The following MAML3 variants were observed in gnomAD, a reference collection of about 807,000 sequenced individuals.
MAML3 encodes the protein mastermind like transcriptional coactivator 3.
MAML3 carries 27 observed loss-of-function variants against 101.9 expected under a neutral mutation model. The ratio of observed to expected loss-of-function variants is 0.27; its 90% CI spans 0.20 to 0.37. MAML3 has a LOEUF of 0.37. Among genes scored for constraint, MAML3 ranks in the 10% least tolerant of loss-of-function variants. The pLI is 1.00. For missense variants in MAML3, 1,316 were observed against 1,444.9 expected, an observed-to-expected ratio of 0.91 and a Z score of 1.45; for synonymous variants, 501 against 555.9, an observed-to-expected ratio of 0.90 and a Z score of 1.39.
chr4:140,000,063 T>C (rs1365296827), intron 1 of MAML3, among the ~76,000 whole-genome samples: 1 of 152,236 alleles, frequency 6.6e-6, no homozygotes, highest in Non-Finnish European at 1.5e-5. Context: ...CAATTATAAC[T>C]AATTTTACTT....
At chr4:140,092,088 G>GTA (rs371237469) in intron 1 of MAML3, among the ~76,000 whole-genome samples, 10,904 of 75,992 alleles carry the variant, frequency 0.14, 615 homozygotes, top group Middle Eastern at 0.32. Context: ...ATATATATAC[G>GTA]TATATATATA....
chr4:139,922,988 C>G (rs1009787100), intron 1 of MAML3, among the ~76,000 whole-genome samples: 2 of 152,116 alleles, frequency 1.3e-5, no homozygotes, highest in Non-Finnish European at 2.9e-5. Flanking sequence ...CTCACGGGAT[C>G]CCCTGCACCC....
chr4:139,908,945 T>C (rs1394138495), intron 1 of MAML3, among the ~76,000 whole-genome samples: 1 of 152,232 alleles, frequency 6.6e-6, no homozygotes, highest in Non-Finnish European at 1.5e-5. Context: ...AATTATCTCA[T>C]TACTATGAAG....
chr4:140,115,278 CTTCT>C (rs1380937398), intron 1 of MAML3, among the ~76,000 whole-genome samples: 2 of 152,198 alleles, frequency 1.3e-5, no homozygotes, highest in African/African-American at 4.8e-5. Context: ...TCTTAAATTA[CTTCT>C]TTCTCTTCCT....
chr4:139,863,143 C>CT (rs1237536589), intron 2 of MAML3, among the ~76,000 whole-genome samples: 6 of 71,638 alleles, frequency 8.4e-5, no homozygotes, highest in African/African-American at 4.9e-4. Context: ...GAGTGAGACT[C>CT]TGTCTCCAAA....
At chr4:139,905,457 A>C (rs1314251522) in intron 1 of MAML3, among the ~76,000 whole-genome samples, 1 of 128,188 alleles carries the variant, frequency 7.8e-6, no homozygotes, top group Non-Finnish European at 1.6e-5. Context: ...ATGCCATTGC[A>C]CTCCAGCCCG....
At chr4:139,736,410 G>C in intron 2 of MAML3, among the ~76,000 whole-genome samples, 1 of 152,132 alleles carries the variant, frequency 6.6e-6, no homozygotes, top group East Asian at 1.9e-4. Context: ...AGGATGAATC[G>C]AACACCCACG....
At chr4:140,089,585 G>GAT (rs906223751) in intron 1 of MAML3, among the ~76,000 whole-genome samples, 1 of 152,162 alleles carries the variant, frequency 6.6e-6, no homozygotes, top group Non-Finnish European at 1.5e-5. Context: ...GCTTTTTACT[G>GAT]ATATATATAA....
At chr4:139,899,707 A>C (rs946553533) in intron 1 of MAML3, among the ~76,000 whole-genome samples, 3 of 152,258 alleles carry the variant, frequency 2.0e-5, no homozygotes, top group Admixed American at 6.5e-5. Flanking sequence ...CTCCCTTGGT[A>C]ATCTTATAGA....
chr4:140,069,980 G>A (rs1192938795), intron 1 of MAML3, among the ~76,000 whole-genome samples: 1 of 152,064 alleles, frequency 6.6e-6, no homozygotes, highest in Non-Finnish European at 1.5e-5. Flanking sequence ...GCTAGGTGTG[G>A]TGGTGCACAC....
chr4:139,775,249 T>C (rs1730071391), intron 2 of MAML3, among the ~76,000 whole-genome samples: 1 of 152,098 alleles, frequency 6.6e-6, no homozygotes, highest in Admixed American at 6.5e-5. Flanking sequence ...AATAAACAGG[T>C]AATAAACATT....
chr4:139,719,388 T>G lies in MAML3; in HGVS notation c.3352A>C (p.Ile1118Leu). The G allele has an allele frequency of 6.2e-7, 1 of 1,613,318 alleles. No individual in the cohort carries two copies. The change falls in exon 5 of 5, where the codon ATC becomes CTC. Residue 1118 changes from isoleucine (I) to leucine (L), a missense_variant. By Grantham distance (5) the Ile-to-Leu change is conservative (BLOSUM62 2). Coordinates refer to ENST00000509479, the MANE Select transcript of MAML3 (RefSeq NM_018717.5). ...LPDGADLVDS[I>L]IKGGPGDEWM... Reference sequence around the variant, plus strand: ...TCGTCCCCTGGCCCGCCTTTGATGATGGAGTCCACAAGGTCTGCACCGTCC... The same window carrying G: ...TCGTCCCCTGGCCCGCCTTTGATGAGGGAGTCCACAAGGTCTGCACCGTCC...
intron 1 of MAML3, among the ~76,000 whole-genome samples, chr4:140,101,066 T>C (rs1312028967): frequency 6.6e-6 from 1 of 152,032 alleles, no homozygotes; most frequent in Non-Finnish European, 1.5e-5. Flanking sequence ...AGTGAAGCCA[T>C]ATTGGATCCT....
chr4:139,872,771 T>C (rs1197897565), intron 2 of MAML3, among the ~76,000 whole-genome samples: 2 of 65,310 alleles, frequency 3.1e-5, no homozygotes, highest in African/African-American at 1.6e-4. Flanking sequence ...CAAGGTTGGG[T>C]TTAGAGTTAA....
chr4:139,827,927 T>C (rs1731092581), intron 2 of MAML3, among the ~76,000 whole-genome samples: 1 of 152,210 alleles, frequency 6.6e-6, no homozygotes, highest in Non-Finnish European at 1.5e-5. Context: ...TAATTGGTGA[T>C]AAATACAGTG....
chr4:140,034,949 T>C (rs1228251950), intron 1 of MAML3, among the ~76,000 whole-genome samples: 1 of 152,162 alleles, frequency 6.6e-6, no homozygotes. Context: ...AAAAATGTAT[T>C]CAGTTGTCCA....
At chr4:140,037,349 T>G (rs944649113) in intron 1 of MAML3, among the ~76,000 whole-genome samples, 2 of 152,184 alleles carry the variant, frequency 1.3e-5, no homozygotes, top group Non-Finnish European at 2.9e-5. Context: ...CACATTATTA[T>G]CTTTCTGCTC....
intron 1 of MAML3, among the ~76,000 whole-genome samples, chr4:140,081,315 C>A (rs990253182): frequency 3.3e-5 from 5 of 151,896 alleles, no homozygotes; most frequent in African/African-American, 1.2e-4. Flanking sequence ...ACATCTACAA[C>A]CTACACCCGA....
intron 2 of MAML3, among the ~76,000 whole-genome samples, chr4:139,750,589 G>A (rs1729471401): frequency 6.6e-6 from 1 of 152,134 alleles, no homozygotes; most frequent in African/African-American, 2.4e-5. Context: ...TCGACACACT[G>A]GAATTCACTC....
Sources: allele counts gnomAD v4.1 joint callset (sites outside exome capture counted in the v4.1 genomes callset), GRCh38; gene constraint gnomAD v4.1.1; transcripts MANE v1.5; gene names NCBI Gene and HGNC (gene_info 2026-07-23, HGNC 2026-07-21).